PITPNC1: variants seen among roughly 807,000 people sequenced by gnomAD.
PITPNC1 encodes cytoplasmic phosphatidylinositol transfer protein 1.
In PITPNC1, 18 loss-of-function variants were observed where a neutral mutation model predicts 44.7. That is an observed-to-expected ratio of 0.40 (90% CI 0.28 to 0.60). The LOEUF is 0.60. Ranked by LOEUF, PITPNC1 falls within the 20% of genes least tolerant of loss-of-function variation. PITPNC1 has a pLI of 0.39. For missense variants in PITPNC1, 290 were observed against 418.4 expected (o/e 0.69, Z 2.68); for synonymous variants, 141 against 149.6 (o/e 0.94, Z 0.42).
rs1446165399 is a variant in PITPNC1, at chr17:67,631,628, CAAAAACCA to C, written c.367-509_367-502del. On this transcript the variant is annotated intron_variant, in intron 5 of 8. Coordinates refer to ENST00000581322, the MANE Select transcript of PITPNC1 (RefSeq NM_012417.4). Reference sequence around the variant, plus strand: ...TGGGCGAAAGAGTGAGACTCCGTCTCAAAAACCAAAAAAAAAAAAAAAAAAAAAAATAT... The same window carrying C: ...TGGGCGAAAGAGTGAGACTCCGTCTCAAAAAAAAAAAAAAAAAAAAAATAT... 3.4e-3 allele frequency among the ~76,000 whole-genome samples: 46 copies of C among 13,334 alleles called. 2 individuals carry two copies. The highest frequency in any genetic ancestry group is 0.062 in the Middle Eastern group (1 of 16). The allele number at this position is 13,334 out of a possible 152,430, so 8.7% of individuals were successfully genotyped here.
chr17:67,468,815 A>AGGTTCAAGCGATTCTCCTGCCTCCC (rs1568002030), intron 1 of PITPNC1, among the ~76,000 whole-genome samples: 1 of 87,868 alleles, frequency 1.1e-5, no homozygotes, highest in African/African-American at 1.3e-4. Flanking sequence ...TCCTGCCTCC[A>AGGTTCAAGCGATTCTCCTGCCTCCC]CCTCCCAGGT....
chr17:67,644,425 ATTTTTT>A (rs750245444), intron 6 of PITPNC1, among the ~76,000 whole-genome samples: 8 of 109,044 alleles, frequency 7.3e-5, no homozygotes, highest in Non-Finnish European at 1.2e-4. Context: ...TCCCTCTGTA[ATTTTTT>A]TTTTTTTTTT....
intron 1 of PITPNC1, among the ~76,000 whole-genome samples, chr17:67,514,603 T>C (rs2144096677): frequency 6.9e-6 from 1 of 145,006 alleles, no homozygotes; most frequent in East Asian, 2.2e-4. Flanking sequence ...GGCAGACAGA[T>C]CACCCGAGGT....
chr17:67,594,849 A>G (rs998566951), intron 5 of PITPNC1, among the ~76,000 whole-genome samples: 4 of 152,244 alleles, frequency 2.6e-5, no homozygotes, highest in Admixed American at 2.6e-4. Context: ...GTATCATGAT[A>G]GTTCCCACTC....
intron 6 of PITPNC1, among the ~76,000 whole-genome samples, chr17:67,653,057 G>A (rs559855700): frequency 5.3e-5 from 8 of 152,258 alleles, no homozygotes; most frequent in East Asian, 3.9e-4. Flanking sequence ...CAACGCAGGC[G>A]GATCTCTTGA....
At chr17:67,436,182 G>A (rs1015515927) in intron 1 of PITPNC1, among the ~76,000 whole-genome samples, 1 of 150,344 alleles carries the variant, frequency 6.7e-6, no homozygotes, top group African/African-American at 2.5e-5. Context: ...TAAATTTTTT[G>A]TAGAGACAGG....
At chr17:67,442,203 GCA>G (rs2039021293) in intron 1 of PITPNC1, among the ~76,000 whole-genome samples, 1 of 37,790 alleles carries the variant, frequency 2.6e-5, no homozygotes, top group South Asian at 1.2e-3. Context: ...GGGAAAATAA[GCA>G]TATATATATA....
At chr17:67,593,787 T>A (rs2041424481) in intron 5 of PITPNC1, among the ~76,000 whole-genome samples, 1 of 152,228 alleles carries the variant, frequency 6.6e-6, no homozygotes, top group Non-Finnish European at 1.5e-5. Context: ...TCAAACCTCT[T>A]TAATTCTTTG....
chr17:67,397,045 A>G lies in PITPNC1; in HGVS notation c.48+18843A>G, dbSNP rs552612232. 8.7e-4 allele frequency among the ~76,000 whole-genome samples: 133 copies of G among 152,022 alleles called. 3 individuals are homozygous for G. The South Asian group carries it at 0.018, about 21-fold the overall frequency. ...CCCTAGGCTGGAGTGCGATGGTGTG[A>G]TCTCAGCTCACTGCAACCTCTGCCT... is the stretch of plus-strand genomic sequence containing the variant. On this transcript the variant is annotated intron_variant, in intron 1 of 8. Coordinates refer to ENST00000581322, the MANE Select transcript of PITPNC1 (RefSeq NM_012417.4).
intron 6 of PITPNC1, among the ~76,000 whole-genome samples, chr17:67,653,526 T>C (rs1030549009): frequency 2.0e-5 from 3 of 151,898 alleles, no homozygotes; most frequent in African/African-American, 4.9e-5. Context: ...AAGCCACCAG[T>C]GTGTGATTAT....
rs546469700 is a variant in PITPNC1, at chr17:67,635,241, C to T, written c.462+3003C>T. ...ATATTGTCGGTTACTTAGGTTCTGT[C>T]GTGGCTTGCGCTAGAGGGCTGGTGG... On this transcript the variant is annotated intron_variant, in intron 6 of 8. Coordinates refer to ENST00000581322, the MANE Select transcript of PITPNC1 (RefSeq NM_012417.4). Among the ~76,000 whole-genome samples the T allele has an allele frequency of 3.3e-5, 5 of 152,200 alleles. No individual in the cohort carries two copies. In the South Asian group the frequency reaches 8.3e-4, roughly 25 times the overall value.
At chr17:67,680,600 CA>C (rs11354234) in intron 8 of PITPNC1, among the ~76,000 whole-genome samples, 84,652 of 132,380 alleles carry the variant, frequency 0.64, 25,977 homozygotes, top group Admixed American at 0.72. Flanking sequence ...AACTCTGTCT[CA>C]AAAAAAAAAA....
At chr17:67,396,580 G>C (rs1248692667) in intron 1 of PITPNC1, among the ~76,000 whole-genome samples, 1 of 151,986 alleles carries the variant, frequency 6.6e-6, no homozygotes. Context: ...ATGTTGGCCA[G>C]GCTGGTCTTG....
chr17:67,570,123 G>C (rs1007118934), intron 4 of PITPNC1, among the ~76,000 whole-genome samples: 3 of 152,102 alleles, frequency 2.0e-5, no homozygotes, highest in African/African-American at 7.2e-5. Flanking sequence ...TAACTTCTTT[G>C]AGCCTTGGTT....
chr17:67,615,226 C>T (rs1282518433), intron 5 of PITPNC1, among the ~76,000 whole-genome samples: 1 of 152,192 alleles, frequency 6.6e-6, no homozygotes, highest in African/African-American at 2.4e-5. Flanking sequence ...CACAGCCTAC[C>T]AGGAACAAGT....
chr17:67,671,355 C>T (rs1219908493), intron 7 of PITPNC1, among the ~76,000 whole-genome samples: 3 of 152,178 alleles, frequency 2.0e-5, no homozygotes, highest in African/African-American at 4.8e-5. Context: ...CAAATTGTCT[C>T]TACATTCCAG....
chr17:67,608,058 C>A (rs1388587874), intron 5 of PITPNC1, among the ~76,000 whole-genome samples: 1 of 151,942 alleles, frequency 6.6e-6, no homozygotes, highest in Non-Finnish European at 1.5e-5. Context: ...TACTTCATTG[C>A]GCCCTAAGAA....
chr17:67,621,442 AAG>A (rs1167100455), intron 5 of PITPNC1, among the ~76,000 whole-genome samples: 2 of 152,076 alleles, frequency 1.3e-5, no homozygotes, highest in African/African-American at 2.4e-5. Flanking sequence ...TCCTGACCTC[AAG>A]TGATCCACGT....
intron 1 of PITPNC1, among the ~76,000 whole-genome samples, chr17:67,515,910 C>T (rs2040252798): frequency 1.3e-5 from 2 of 152,190 alleles, no homozygotes; most frequent in Non-Finnish European, 2.9e-5. Flanking sequence ...TTTTGTGAGT[C>T]CAAATTAGGT....
Sources: allele counts gnomAD v4.1 joint callset (sites outside exome capture counted in the v4.1 genomes callset), GRCh38; gene constraint gnomAD v4.1.1; transcripts MANE v1.5; gene names NCBI Gene and HGNC (gene_info 2026-07-23, HGNC 2026-07-21).